Variants in AGAP1 observed in about 807,000 individuals in gnomAD.
The protein encoded by AGAP1 is ArfGAP with GTPase domain, ankyrin repeat and PH domain 1, also known as arf-GAP with GTPase, ANK repeat and PH domain-containing protein 1.
In AGAP1, 29 loss-of-function variants were observed where a neutral mutation model predicts 105.3. The ratio of observed to expected loss-of-function variants is 0.28; its 90% CI spans 0.21 to 0.38. The LOEUF (loss-of-function observed/expected upper bound fraction) is 0.38, where lower values mean the gene tolerates loss of function less well. Among genes scored for constraint, AGAP1 ranks in the 10% least tolerant of loss-of-function variants. The pLI, the probability that AGAP1 is intolerant of heterozygous loss-of-function variation, is 1.00. For missense variants in AGAP1, 998 were observed against 1,165.1 expected (o/e 0.86, Z 2.09); for synonymous variants, 509 against 485.9 (o/e 1.05, Z -0.63).
rs1028892204 is a variant in AGAP1 at position 235,862,152 on chromosome 2, G to A, written c.1051-21193G>A. Among the ~76,000 whole-genome samples the A allele has an allele frequency of 1.1e-4, 16 of 152,232 alleles. No homozygotes were observed. In the East Asian group the frequency reaches 3.1e-3, roughly 29 times the overall value. On this transcript the variant is annotated intron_variant, in intron 9 of 17. Transcript: ENST00000304032. ...CTGCTGTCCTGGGTGTTCATCCATG[G>A]CTCCATTCATCCATGGCTCCGTGCA...
chr2:235,687,899 C>CTTTTTTT (rs10670064), intron 1 of AGAP1, among the ~76,000 whole-genome samples: 5 of 89,656 alleles, frequency 5.6e-5, no homozygotes, highest in Non-Finnish European at 8.0e-5. Context: ...CGCTCTCTGA[C>CTTTTTTT]TTTTTTTTTT....
intron 9 of AGAP1, among the ~76,000 whole-genome samples, chr2:235,862,273 A>G (rs535728715): frequency 1.3e-5 from 2 of 152,322 alleles, no homozygotes; most frequent in South Asian, 2.1e-4. Context: ...ATGGTATTCA[A>G]ATTTCCAAGA....
At chr2:235,506,324 C>T (rs1406660558) in intron 1 of AGAP1, among the ~76,000 whole-genome samples, 8 of 152,014 alleles carry the variant, frequency 5.3e-5, no homozygotes, top group Admixed American at 3.9e-4. Flanking sequence ...CTCAGCGCTT[C>T]GGGAGGCCGA....
chr2:235,858,638 T>A (rs961143168), intron 9 of AGAP1, among the ~76,000 whole-genome samples: 1 of 152,212 alleles, frequency 6.6e-6, no homozygotes, highest in African/African-American at 2.4e-5. Context: ...TTTGTATGCA[T>A]GATTGTCTGT....
At chr2:236,069,276 T>C (rs2058435053) in intron 16 of AGAP1, among the ~76,000 whole-genome samples, 1 of 152,190 alleles carries the variant, frequency 6.6e-6, no homozygotes, top group Admixed American at 6.5e-5. Flanking sequence ...GCAATGTAAA[T>C]ATACATACGT....
intron 5 of AGAP1, among the ~76,000 whole-genome samples, chr2:235,749,338 A>G (rs1422570610): frequency 2.0e-5 from 3 of 149,846 alleles, no homozygotes; most frequent in South Asian, 4.4e-4. Flanking sequence ...AATGGAATGG[A>G]TGGGGCAGGG....
intron 12 of AGAP1, among the ~76,000 whole-genome samples, chr2:235,947,721 A>G (rs2053561094): frequency 6.6e-6 from 1 of 152,186 alleles, no homozygotes; most frequent in African/African-American, 2.4e-5. Flanking sequence ...CTCCATCAGT[A>G]GGGGCACAGT....
Position 236,128,230 on chromosome 2 carries a change from G to A in AGAP1, c.*4108G>A, listed in dbSNP as rs1406705786. 6.6e-6 allele frequency: 1 copy of A among 152,396 alleles called. No homozygotes were observed. Among genetic ancestry groups the A allele is most frequent in the Non-Finnish European group, 1.5e-5 (1 of 68,188 alleles). The allele number at this position is 152,396 out of a possible 1,614,324, so 9.4% of individuals were successfully genotyped here. On this transcript the variant is annotated 3_prime_UTR_variant, in exon 18 of 18. Coordinates refer to ENST00000304032, the MANE Select transcript of AGAP1 (RefSeq NM_001037131.3). The surrounding 1 kb of genome is among the most constrained non-coding windows in gnomAD (Gnocchi z 5.9). ...CTCAACATGTATATTCTGCTTTGTAGTCTGAGGTTGATTTTCTAGAGGCGA... is the reference window on the plus strand; with the variant it reads ...CTCAACATGTATATTCTGCTTTGTAATCTGAGGTTGATTTTCTAGAGGCGA...
At position 235,723,047 on chromosome 2, in the gene AGAP1, A is replaced by G. The variant is rs1296678815; in HGVS notation, c.310+5403A>G. On this transcript the variant is annotated intron_variant, in intron 3 of 17. Coordinates refer to ENST00000304032, the MANE Select transcript of AGAP1 (RefSeq NM_001037131.3). The surrounding 1 kb of genome is among the most constrained non-coding windows in gnomAD (Gnocchi z 6.2). ...TAGAACTGTTGGAGTTGGCCCCATC[A>G]CTTGGTGGTGGTCATGGTTCTGCCA... Among the ~76,000 whole-genome samples the G allele has an allele frequency of 6.6e-6, 1 of 152,146 alleles. No individual in the cohort carries two copies. The highest frequency in any genetic ancestry group is 1.9e-4 in the East Asian group (1 of 5,182).
At chr2:235,745,854 G>A (rs538052128) in intron 5 of AGAP1, among the ~76,000 whole-genome samples, 4 of 152,206 alleles carry the variant, frequency 2.6e-5, no homozygotes, top group South Asian at 2.1e-4. Flanking sequence ...CCAGCCAGAC[G>A]TGGTGGCTCA....
At chr2:235,654,326 T>C (rs1414017578) in intron 1 of AGAP1, among the ~76,000 whole-genome samples, 1 of 152,218 alleles carries the variant, frequency 6.6e-6, no homozygotes, top group Non-Finnish European at 1.5e-5. Flanking sequence ...GATTCCTCTG[T>C]GCTCAATAAT....
intron 1 of AGAP1, among the ~76,000 whole-genome samples, chr2:235,646,756 G>A (rs1575033947): frequency 6.6e-6 from 1 of 152,344 alleles, no homozygotes; most frequent in South Asian, 2.1e-4. Flanking sequence ...CTTAGGCCTT[G>A]AGAGGCACAG....
In AGAP1 at chr2:235,908,929, A is replaced by G; in HGVS notation, c.1324+23A>G. 22 of 1,596,066 alleles carry G rather than the reference A, an allele frequency of 1.4e-5. No homozygotes were observed. Among genetic ancestry groups the G allele is most frequent in the East Asian group, 2.2e-5 (1 of 44,474 alleles). On this transcript the variant is annotated intron_variant, in intron 11 of 17. Transcript: ENST00000304032. This position sits in a 1 kb window ranked among gnomAD's most constrained non-coding sequence, Gnocchi z 4.4. ...CAGGTAAGCTTACAGCAAATGCACTAACAAATCAAGTTCAACAGCAACAGG... is the reference window on the plus strand; with the variant it reads ...CAGGTAAGCTTACAGCAAATGCACTGACAAATCAAGTTCAACAGCAACAGG...
chr2:235,627,318 G>A (rs932740117), intron 1 of AGAP1, among the ~76,000 whole-genome samples: 2 of 147,278 alleles, frequency 1.4e-5, no homozygotes, highest in African/African-American at 2.5e-5. Flanking sequence ...TCTACCTCCC[G>A]AGTTTAAGCA....
At chr2:235,859,390 A>ACC (rs1464279454) in intron 9 of AGAP1, among the ~76,000 whole-genome samples, 25 of 21,420 alleles carry the variant, frequency 1.2e-3, no homozygotes, top group South Asian at 6.5e-3. Flanking sequence ...TCCCCCCACA[A>ACC]CCTCCCCCCC....
chr2:235,807,412 C>A, intron 9 of AGAP1, 81 bp downstream of exon 9: 1 of 1,292,194 alleles, frequency 7.7e-7, no homozygotes, highest in Non-Finnish European at 1.1e-6. Flanking sequence ...GGCTCTCGCA[C>A]CAAGGTCTGT....
chr2:235,998,671 G>A (rs2055921869), intron 13 of AGAP1, among the ~76,000 whole-genome samples: 1 of 152,094 alleles, frequency 6.6e-6, no homozygotes, highest in Non-Finnish European at 1.5e-5. Flanking sequence ...TGGTGGTGGT[G>A]GTGGTGACGA....
chr2:235,850,679 G>A (rs1382152282), intron 9 of AGAP1, among the ~76,000 whole-genome samples: 1 of 152,254 alleles, frequency 6.6e-6, no homozygotes. Flanking sequence ...CACAAAAATA[G>A]CTGCTTTTGC....
intron 1 of AGAP1, among the ~76,000 whole-genome samples, chr2:235,682,196 GT>G (rs908920714): frequency 8.1e-4 from 123 of 151,724 alleles, no homozygotes; most frequent in Admixed American, 2.0e-3. Flanking sequence ...TATCAGCACT[GT>G]TTTTTTTGTT....
Sources: allele counts gnomAD v4.1 joint callset (sites outside exome capture counted in the v4.1 genomes callset), GRCh38; gene constraint gnomAD v4.1.1; non-coding constraint Gnocchi (gnomAD v3.1); transcripts MANE v1.5; gene names NCBI Gene and HGNC (gene_info 2026-07-23, HGNC 2026-07-21).